Variants in RIC8B observed in about 807,000 individuals in gnomAD.
RIC8B encodes RIC8 guanine nucleotide exchange factor B, also known as chaperone Ric-8B.
A neutral mutation model predicts 57.5 loss-of-function variants in RIC8B; 16 were observed. That is an observed-to-expected ratio of 0.28 (90% CI 0.19 to 0.42). RIC8B has a LOEUF of 0.42. RIC8B is among the 10% of genes least tolerant of loss of function. The probability of loss-of-function intolerance (pLI) is 1.00; values close to 1 mark genes in which losing one functional copy is unlikely to be tolerated. For missense variants in RIC8B, 481 were observed against 677.0 expected (o/e 0.71, Z 3.21); for synonymous variants, 216 against 250.8 (o/e 0.86, Z 1.31).
intron 1 of RIC8B, chr12:106,775,058 G>A (rs2043390284): frequency 1.8e-6 from 1 of 552,414 alleles, no homozygotes; most frequent in Non-Finnish European, 3.3e-6. Context: ...TGGCCCAGCA[G>A]CTTGACCTCC....
intron 9 of RIC8B, among the ~76,000 whole-genome samples, chr12:106,873,597 C>T (rs949762458): frequency 3.9e-5 from 6 of 152,164 alleles, no homozygotes; most frequent in African/African-American, 1.4e-4. Context: ...TAAGCAGCTA[C>T]TCTGTGCAAG....
At chr12:106,829,778 C>A (rs1018340948) in intron 4 of RIC8B, among the ~76,000 whole-genome samples, 2 of 152,188 alleles carry the variant, frequency 1.3e-5, no homozygotes, top group Admixed American at 1.3e-4. Context: ...CCACTGCACA[C>A]AGAGGTGTTT....
At chr12:106,802,924 A>G (rs538421180) in intron 2 of RIC8B, among the ~76,000 whole-genome samples, 1 of 152,176 alleles carries the variant, frequency 6.6e-6, no homozygotes, top group East Asian at 1.9e-4. Context: ...AAAAAAATGA[A>G]CAGGGCTGGG....
At chr12:106,835,835 G>A (rs2046573567) in intron 4 of RIC8B, among the ~76,000 whole-genome samples, 1 of 152,202 alleles carries the variant, frequency 6.6e-6, no homozygotes, top group Non-Finnish European at 1.5e-5. Context: ...TGGTCACCAT[G>A]GGTTAAAAGG....
intron 4 of RIC8B, among the ~76,000 whole-genome samples, chr12:106,834,334 A>G (rs1416792209): frequency 6.6e-6 from 1 of 152,100 alleles, no homozygotes; most frequent in African/African-American, 2.4e-5. Flanking sequence ...GTGTCTTTGT[A>G]TTATAGGAAT....
chr12:106,788,837 C>T (rs1454945599), intron 2 of RIC8B, among the ~76,000 whole-genome samples: 1 of 152,200 alleles, frequency 6.6e-6, no homozygotes, highest in African/African-American at 2.4e-5. Context: ...ATGACATGCC[C>T]TGGAGACATT....
intron 4 of RIC8B, among the ~76,000 whole-genome samples, chr12:106,829,036 A>G (rs1420507625): frequency 6.6e-6 from 1 of 152,230 alleles, no homozygotes; most frequent in African/African-American, 2.4e-5. Context: ...CAGAGAAGTC[A>G]AGAGGACATG....
intron 2 of RIC8B, among the ~76,000 whole-genome samples, chr12:106,811,636 G>A (rs1356063576): frequency 2.6e-5 from 4 of 152,146 alleles, no homozygotes; most frequent in Non-Finnish European, 2.9e-5. Flanking sequence ...GACTCAGGAT[G>A]TATCATGGTC....
chr12:106,845,167 A>C (rs1386033345), intron 6 of RIC8B, among the ~76,000 whole-genome samples: 1 of 152,176 alleles, frequency 6.6e-6, no homozygotes, highest in African/African-American at 2.4e-5. Context: ...GCAAAACCTA[A>C]CAAACTGGCT....
chr12:106,782,549 G>T (rs546085253), intron 1 of RIC8B, among the ~76,000 whole-genome samples: 2 of 152,254 alleles, frequency 1.3e-5, no homozygotes, highest in Admixed American at 1.3e-4. Context: ...TCCCCTGGTT[G>T]CCTGTCACCT....
chr12:106,803,617 C>T (rs946574669), intron 2 of RIC8B, among the ~76,000 whole-genome samples: 1 of 152,132 alleles, frequency 6.6e-6, no homozygotes, highest in Admixed American at 6.5e-5. Context: ...CTCTGTGCCC[C>T]TTTGTTTCAG....
chr12:106,882,798 A>G (rs1004092872), intron 9 of RIC8B, among the ~76,000 whole-genome samples: 1 of 152,180 alleles, frequency 6.6e-6, no homozygotes, highest in Non-Finnish European at 1.5e-5. Flanking sequence ...GGAGAAGAAA[A>G]TAATTCATAC....
intron 4 of RIC8B, among the ~76,000 whole-genome samples, chr12:106,836,495 G>A (rs1007620116): frequency 6.6e-6 from 1 of 152,286 alleles, no homozygotes; most frequent in Middle Eastern, 3.4e-3. Context: ...TTCTCTTGCA[G>A]TGTTTCCCAT....
intron 2 of RIC8B, among the ~76,000 whole-genome samples, chr12:106,805,517 A>T (rs1051784539): frequency 6.6e-6 from 1 of 152,002 alleles, no homozygotes; most frequent in African/African-American, 2.4e-5. Flanking sequence ...AACAAAAAAA[A>T]CCCTGTAATT....
chr12:106,843,359 C>T (rs978726471), intron 5 of RIC8B, among the ~76,000 whole-genome samples: 1 of 151,932 alleles, frequency 6.6e-6, no homozygotes, highest in Non-Finnish European at 1.5e-5. Context: ...CCATGGGAAT[C>T]CTAGAAAATG....
chr12:106,870,907 C>T lies in RIC8B; in HGVS notation c.1536C>T (p.Ala512=). Residue 512 remains alanine (A), a synonymous_variant, in exon 9 of 10, where the codon GCC becomes GCT. Coordinates refer to ENST00000392837, the MANE Select transcript of RIC8B (RefSeq NM_001330145.2). ...EMTEEQKEYE[A]MKLVNMLDKL... ...CAGAAGAACAAAAAGAATATGAAGC[C>T]ATGAAACTTGTCAACATGCTTGATA... 1 of 1,548,578 alleles carries T rather than the reference C, an allele frequency of 6.5e-7. No individual in the cohort carries two copies. The highest frequency in any genetic ancestry group is 8.7e-7 in the Non-Finnish European group (1 of 1,144,918).
chr12:106,775,886 C>G (rs1183724338), intron 1 of RIC8B, among the ~76,000 whole-genome samples: 1 of 152,214 alleles, frequency 6.6e-6, no homozygotes, highest in East Asian at 1.9e-4. Context: ...CCCCGTACAT[C>G]GTCTCCCCTT....
chr12:106,809,708 C>T (rs779840242), intron 2 of RIC8B, among the ~76,000 whole-genome samples: 41 of 151,986 alleles, frequency 2.7e-4, no homozygotes, highest in Non-Finnish European at 5.4e-4. Flanking sequence ...TTTATGGATA[C>T]GTAATAATTC....
At chr12:106,806,052 C>G (rs1215770752) in intron 2 of RIC8B, among the ~76,000 whole-genome samples, 1 of 152,178 alleles carries the variant, frequency 6.6e-6, no homozygotes, top group Non-Finnish European at 1.5e-5. Context: ...CGGGTTCAAG[C>G]GACTCTTCTG....
Sources: allele counts gnomAD v4.1 joint callset (sites outside exome capture counted in the v4.1 genomes callset), GRCh38; gene constraint gnomAD v4.1.1; transcripts MANE v1.5; gene names NCBI Gene and HGNC (gene_info 2026-07-23, HGNC 2026-07-21).